CYP4F11: variants seen among roughly 807,000 people sequenced by gnomAD.
CYP4F11 encodes cytochrome P450 family 4 subfamily F member 11, also known as cytochrome P450 4F11.
CYP4F11 carries 79 observed loss-of-function variants against 62.2 expected under a neutral mutation model. The ratio of observed to expected loss-of-function variants is 1.27; its 90% CI spans 1.06 to 1.53. The LOEUF (loss-of-function observed/expected upper bound fraction) is 1.53. Ranked by LOEUF, CYP4F11 falls within the 40% of genes most tolerant of loss-of-function variation. The pLI, the probability that CYP4F11 is intolerant of heterozygous loss-of-function variation, is 0.00. For synonymous variants in CYP4F11, 290 were observed against 263.7 expected (o/e 1.10, Z -0.97); for missense variants, 777 against 680.5 (o/e 1.14, Z -1.58).
At chr19:15,929,711 T>C in intron 1 of CYP4F11, 110 bp from the exon 2 acceptor site, 3 of 1,232,896 alleles carry the variant, frequency 2.4e-6, no homozygotes, top group Non-Finnish European at 3.4e-6. Context: ...TAAAACATGC[T>C]GGTAAAACAT....
At chr19:15,929,718 A>G (rs2089697012) in intron 1 of CYP4F11, 117 bp from the exon 2 acceptor site, 1 of 1,193,688 alleles carries the variant, frequency 8.4e-7, no homozygotes, top group Non-Finnish European at 1.2e-6. Context: ...TGCTGGTAAA[A>G]CATTATTTCT....
At chr19:15,918,314 C>T (rs1000078654) in intron 8 of CYP4F11, among the ~76,000 whole-genome samples, 6 of 151,966 alleles carry the variant, frequency 3.9e-5, no homozygotes, top group South Asian at 2.1e-4. Context: ...GTGAGAGCAT[C>T]GGGAAGAATA....
At chr19:15,930,101 G>A (rs1005618644) in intron 1 of CYP4F11, among the ~76,000 whole-genome samples, 1 of 102,446 alleles carries the variant, frequency 9.8e-6, no homozygotes, top group Non-Finnish European at 2.3e-5. Flanking sequence ...AGATATAAGC[G>A]GGAAGATATC....
chr19:15,934,200 G>T lies in CYP4F11; in HGVS notation c.198+11C>A. 6.2e-7 allele frequency: 1 copy of T among 1,613,150 alleles called. No homozygotes were observed. Among genetic ancestry groups the T allele is most frequent in the Middle Eastern group, 1.7e-4 (1 of 6,054 alleles). ...CCTGAGACCCCAGACCCGTCCTGCT[G>T]ACAAACTCACCAGGCCCTGGTGTCC... is the stretch of plus-strand genomic sequence containing the variant. On this transcript the variant is annotated intron_variant, in intron 1 of 11. Coordinates refer to ENST00000402119, the MANE Select transcript of CYP4F11 (RefSeq NM_021187.4).
At chr19:15,934,825 C>T (rs2089764595), upstream of CYP4F11, 1 of 187,206 alleles carries the variant, frequency 5.3e-6, no homozygotes, top group Admixed American at 6.1e-5. Flanking sequence ...CAGCTTGTCC[C>T]ACATACCCTC....
intron 8 of CYP4F11, among the ~76,000 whole-genome samples, chr19:15,920,717 C>G (rs1187184594): frequency 1.3e-5 from 2 of 152,148 alleles, no homozygotes; most frequent in Non-Finnish European, 2.9e-5. Flanking sequence ...GCCCTCTACA[C>G]TAGCCCTAAA....
Position 15,922,371 on chromosome 19 carries a change from C to T in CYP4F11, c.978G>A (p.Met326Ile). ...CCACACTGAGACCCTCACCCTCAAACATGAAGGTGTCAGCTTCTGCTCTTA... is the reference window on the plus strand; with the variant it reads ...CCACACTGAGACCCTCACCCTCAAATATGAAGGTGTCAGCTTCTGCTCTTA... Reference protein sequence around the residue: ...EDIRAEADTFMFEGHDTTASG... With the variant: ...EDIRAEADTFIFEGHDTTASG... Residue 326 changes from methionine (M) to isoleucine (I), a missense_variant, in exon 7 of 12, where the codon ATG (methionine) becomes ATA (isoleucine). Transcript: ENST00000402119. 1 of 1,614,146 alleles carries T rather than the reference C, an allele frequency of 6.2e-7. No individual in the cohort carries two copies. The highest frequency in any genetic ancestry group is 1.7e-5 in the Admixed American group (1 of 60,022).
rs751786236 is a variant in CYP4F11, at chr19:15,922,357, C to T, written c.985+7G>A. 1.2e-5 allele frequency: 20 copies of T among 1,613,992 alleles called. No individual in the cohort carries two copies. The highest frequency in any genetic ancestry group is 1.5e-5 in the Non-Finnish European group (18 of 1,180,012). ...TCCCCACCGTAGTCCCACACTGAGA[C>T]CCTCACCCTCAAACATGAAGGTGTC... On this transcript the variant is annotated splice_region_variant and intron_variant, in intron 7 of 11. Transcript: ENST00000402119.
At chr19:15,921,054 G>GTCTCTCTCTCTCTC (rs60842401) in intron 8 of CYP4F11, among the ~76,000 whole-genome samples, 66 of 122,440 alleles carry the variant, frequency 5.4e-4, no homozygotes, top group Non-Finnish European at 8.1e-4. Context: ...CTCTCTTTCT[G>GTCTCTCTCTCTCTC]TCTCTCTCTC....
In CYP4F11 at chr19:15,927,491, G is replaced by A; in HGVS notation, c.344-8C>T. On this transcript the variant is annotated splice_polypyrimidine_tract_variant and splice_region_variant and intron_variant, in intron 2 of 11. Transcript: ENST00000402119. ...CCTTGGGTGCGACAGCAGCTGACATGATTGAGGACCATCAGTGGCCATGGA... is the reference window on the plus strand; with the variant it reads ...CCTTGGGTGCGACAGCAGCTGACATAATTGAGGACCATCAGTGGCCATGGA... 1 of 1,613,182 alleles carries A rather than the reference G, an allele frequency of 6.2e-7. No individual in the cohort carries two copies. The highest frequency in any genetic ancestry group is 8.5e-7 in the Non-Finnish European group (1 of 1,179,278).
chr19:15,927,568 G>A (rs542204435), intron 2 of CYP4F11, 85 bp from the exon 3 acceptor site: 5 of 1,573,960 alleles, frequency 3.2e-6, no homozygotes, highest in South Asian at 1.1e-5. Flanking sequence ...AGCCAGGGGT[G>A]TGCACTTCCA....
intron 4 of CYP4F11, among the ~76,000 whole-genome samples, chr19:15,926,175 G>C (rs2089667509): frequency 7.3e-6 from 1 of 136,722 alleles, no homozygotes; most frequent in Non-Finnish European, 1.6e-5. Context: ...AAAAAAAAAA[G>C]AAAGCAGATT....
chr19:15,923,827 C>T lies in CYP4F11; in HGVS notation c.903G>A (p.Val301=). The change falls in exon 6 of 12, where the codon GTG becomes GTA. Residue 301 remains valine, a synonymous_variant. Transcript: ENST00000402119. Reference sequence around the variant, plus strand: ...AGAAGCCTACCTTGCTCAGCAGAAGCACATCAATGAAGTCTAAAGTCTTGG... The same window carrying T: ...AGAAGCCTACCTTGCTCAGCAGAAGTACATCAATGAAGTCTAAAGTCTTGG... The part of the protein sequence containing the change: ...AKSKTLDFID[V]LLLSKDEDGK... The T allele has an allele frequency of 6.2e-7, 1 of 1,612,854 alleles. No individual in the cohort carries two copies. The highest frequency in any genetic ancestry group is 8.5e-7 in the Non-Finnish European group (1 of 1,178,880).
intron 1 of CYP4F11, among the ~76,000 whole-genome samples, chr19:15,931,322 A>G (rs1433953523): frequency 6.6e-6 from 1 of 151,858 alleles, no homozygotes; most frequent in Admixed American, 6.5e-5. Flanking sequence ...GGCAGGGAGT[A>G]GTCCCTGGAC....
intron 8 of CYP4F11, among the ~76,000 whole-genome samples, chr19:15,917,046 G>C (rs549824539): frequency 6.6e-6 from 1 of 152,170 alleles, no homozygotes; most frequent in South Asian, 2.1e-4. Context: ...CAAATGAGTG[G>C]ATAAAGAAAA....
intron 5 of CYP4F11, 142 bp downstream of exon 5, chr19:15,924,619 C>G: frequency 1.1e-6 from 1 of 884,708 alleles, no homozygotes. Flanking sequence ...CTCTTTCCCC[C>G]TCCCCATCCT....
In CYP4F11 at chr19:15,922,064, T is replaced by C. The variant is rs2089633375; in HGVS notation, c.1088A>G (p.Lys363Arg). ...TTCAATCTCTATAGGTTCACGGTCC[T>C]TCAGAAGCTCTTGCACTTCTTGCCG... ...QCRQEVQELLKDREPIEIEWD... is the reference protein window; with the variant it reads ...QCRQEVQELLRDREPIEIEWD... Residue 363 changes from lysine to arginine, a missense_variant, in exon 8 of 12, where the codon AAG (lysine) becomes AGG (arginine). By Grantham distance (26) the Lys-to-Arg change is conservative. Transcript: ENST00000402119. 1 of 1,613,178 alleles carries C rather than the reference T, an allele frequency of 6.2e-7. No homozygotes were observed. Among genetic ancestry groups the C allele is most frequent in the African/African-American group, 1.3e-5 (1 of 75,010 alleles).
At chr19:15,913,955 C>T in intron 11 of CYP4F11, 46 bp from the exon 12 acceptor site, 1 of 1,575,316 alleles carries the variant, frequency 6.3e-7, no homozygotes, top group Non-Finnish European at 8.6e-7. Context: ...TGACCCCCAT[C>T]CCGGCCCCAT....
At chr19:15,929,339 G>A (rs2089693102) in intron 2 of CYP4F11, 118 bp downstream of exon 2, 2 of 1,334,198 alleles carry the variant, frequency 1.5e-6, no homozygotes, top group South Asian at 1.2e-5. Flanking sequence ...ATGGCTGAGA[G>A]AGAAGCAGGA....
Sources: gnomAD v4.1 joint callset for allele counts (sites outside exome capture counted in the v4.1 genomes callset) on GRCh38, gnomAD v4.1.1 for gene constraint, MANE v1.5 for transcripts, NCBI Gene and HGNC (gene_info 2026-07-23, HGNC 2026-07-21) for gene names.